IGSF11: variants seen among roughly 807,000 people sequenced by gnomAD.
IGSF11 encodes the protein CXADR like 1.
Under a neutral mutation model 41.0 loss-of-function variants are expected in IGSF11, and 22 were observed. That is an observed-to-expected ratio of 0.54 (90% confidence interval 0.38 to 0.77). IGSF11 has a LOEUF of 0.77. Ranked by LOEUF, IGSF11 falls within the 30% of genes least tolerant of loss-of-function variation. The pLI, the probability that IGSF11 is intolerant of heterozygous loss-of-function variation, is 0.00. For missense variants in IGSF11, 444 were observed against 530.8 expected, an observed-to-expected ratio of 0.84 and a Z score of 1.61; for synonymous variants, 219 against 201.3, an observed-to-expected ratio of 1.09 and a Z score of -0.74.
intron 1 of IGSF11, among the ~76,000 whole-genome samples, chr3:119,005,364 C>T (rs1440160450): frequency 3.3e-5 from 5 of 150,280 alleles, no homozygotes; most frequent in East Asian, 1.9e-4. Flanking sequence ...TGTCTCTGCA[C>T]GTGAGATGGG....
intron 1 of IGSF11, among the ~76,000 whole-genome samples, chr3:119,001,726 G>C (rs2107672311): frequency 6.7e-6 from 1 of 149,348 alleles, no homozygotes; most frequent in South Asian, 2.1e-4. Context: ...GCAGTGTTTG[G>C]TTTTTTGTTC....
At chr3:119,019,206 G>A (rs1398022214) in intron 1 of IGSF11, among the ~76,000 whole-genome samples, 2 of 151,730 alleles carry the variant, frequency 1.3e-5, no homozygotes, top group African/African-American at 4.9e-5. Flanking sequence ...GGCCAGATAA[G>A]GATCCTTGAT....
At chr3:119,087,318 C>T (rs941359529) in intron 1 of IGSF11, among the ~76,000 whole-genome samples, 8 of 151,660 alleles carry the variant, frequency 5.3e-5, no homozygotes, top group African/African-American at 7.3e-5. Flanking sequence ...TGCAAAAATA[C>T]GGAACTAGCC....
intron 1 of IGSF11, among the ~76,000 whole-genome samples, chr3:119,069,315 A>C (rs1240520184): frequency 1.3e-5 from 2 of 152,152 alleles, no homozygotes; most frequent in Non-Finnish European, 2.9e-5. Flanking sequence ...AGACCACAAA[A>C]ACAATGAGTG....
intron 1 of IGSF11, among the ~76,000 whole-genome samples, chr3:118,951,186 T>C (rs1559948818): frequency 6.6e-6 from 1 of 152,240 alleles, no homozygotes; most frequent in East Asian, 1.9e-4. Context: ...ATGGGGCTAA[T>C]GGCTAGCATG....
At chr3:119,048,488 A>C (rs1267847733) in intron 1 of IGSF11, among the ~76,000 whole-genome samples, 1 of 152,228 alleles carries the variant, frequency 6.6e-6, no homozygotes, top group Non-Finnish European at 1.5e-5. Flanking sequence ...CAGGATCTGA[A>C]AGTGTGGCAA....
rs1942267958 is a variant in IGSF11 at position 118,926,137 on chromosome 3, C to T, written c.544G>A (p.Asp182Asn). 1 of 1,611,628 alleles carries T rather than the reference C, an allele frequency of 6.2e-7. No individual in the cohort carries two copies. Among genetic ancestry groups the T allele is most frequent in the African/African-American group, 1.3e-5 (1 of 74,868 alleles). Residue 182 changes from aspartate to asparagine, a missense_variant, in exon 4 of 7, where the codon GAC becomes AAC. Coordinates refer to ENST00000393775, the MANE Select transcript of IGSF11 (RefSeq NM_001015887.3). ...GTTGGAGGTAGTTTGAGGGTATTGT[C>T]TAACTTCTCCCAAAGGTAAGTTGGT... ...PRPTYLWEKL[D>N]NTLKLPPTAT...
At chr3:119,029,668 G>A (rs891476395) in intron 1 of IGSF11, among the ~76,000 whole-genome samples, 1 of 152,224 alleles carries the variant, frequency 6.6e-6, no homozygotes, top group Non-Finnish European at 1.5e-5. Flanking sequence ...GAGTGTGACT[G>A]CTGTGAACAG....
chr3:119,088,254 A>T (rs1407838579), intron 1 of IGSF11, among the ~76,000 whole-genome samples: 1 of 152,182 alleles, frequency 6.6e-6, no homozygotes. Context: ...AAAAAACAGA[A>T]ATCAATATCA....
intron 1 of IGSF11, among the ~76,000 whole-genome samples, chr3:119,143,381 C>T (rs1349316723): frequency 6.6e-6 from 1 of 151,960 alleles, no homozygotes; most frequent in Non-Finnish European, 1.5e-5. Flanking sequence ...ACCATTGAAG[C>T]TAGGATGGTT....
intron 1 of IGSF11, among the ~76,000 whole-genome samples, chr3:119,019,982 G>T (rs1456198623): frequency 6.6e-6 from 1 of 152,130 alleles, no homozygotes; most frequent in East Asian, 1.9e-4. Context: ...CATTATAAAA[G>T]AAGCCCCAGG....
Position 119,057,823 on chromosome 3 carries a change from T to C in IGSF11, c.49+47321A>G, listed in dbSNP as rs367604332. 2.0e-5 allele frequency among the ~76,000 whole-genome samples: 3 copies of C among 152,008 alleles called. No homozygotes were observed. In the South Asian group the frequency reaches 6.2e-4, roughly 32 times the overall value. On this transcript the variant is annotated intron_variant, in intron 1 of 6. Transcript: ENST00000354673. ...GAGCCCTCAGAAATAACGCTGCATA[T>C]CTACAACTATCTGATCTTTGACAAA...
intron 1 of IGSF11, among the ~76,000 whole-genome samples, chr3:118,988,604 G>T (rs1337193188): frequency 6.6e-6 from 1 of 152,196 alleles, no homozygotes; most frequent in Non-Finnish European, 1.5e-5. Context: ...GAGGATGGGG[G>T]AAGTGCATGG....
chr3:119,095,838 C>T (rs2076840721), intron 1 of IGSF11, among the ~76,000 whole-genome samples: 1 of 152,096 alleles, frequency 6.6e-6, no homozygotes, highest in African/African-American at 2.4e-5. Context: ...TACTGCAAAC[C>T]CAACCCTGAG....
intron 1 of IGSF11, among the ~76,000 whole-genome samples, chr3:119,116,922 C>A (rs775973716): frequency 6.6e-6 from 1 of 152,080 alleles, no homozygotes; most frequent in African/African-American, 2.4e-5. Context: ...AAGCTTTGAC[C>A]CCCATGATTT....
chr3:119,106,407 TCCA>T (rs1275751868), upstream of IGSF11, among the ~76,000 whole-genome samples: 9 of 152,262 alleles, frequency 5.9e-5, no homozygotes, highest in South Asian at 1.9e-3. Flanking sequence ...ACCCTCTATC[TCCA>T]CAAGTTCAAT....
At chr3:119,108,177 G>C (rs1329986461), upstream of IGSF11, among the ~76,000 whole-genome samples, 2 of 151,566 alleles carry the variant, frequency 1.3e-5, no homozygotes, top group South Asian at 2.1e-4. Context: ...ATTACCTTGG[G>C]CAGTATGGCC....
chr3:119,125,472 G>T (rs1162188088), intron 1 of IGSF11, among the ~76,000 whole-genome samples: 2 of 152,116 alleles, frequency 1.3e-5, no homozygotes, highest in African/African-American at 4.8e-5. Flanking sequence ...ACGTTACAAA[G>T]TATATTCACA....
intron 1 of IGSF11, among the ~76,000 whole-genome samples, chr3:119,041,569 G>A (rs1427819787): frequency 1.3e-5 from 2 of 152,022 alleles, no homozygotes; most frequent in Non-Finnish European, 2.9e-5. Context: ...TGGGCAACAA[G>A]CAAGACTCCA....
Sources: gnomAD v4.1 joint callset for allele counts (sites outside exome capture counted in the v4.1 genomes callset) on GRCh38, gnomAD v4.1.1 for gene constraint, MANE v1.5 for transcripts, NCBI Gene and HGNC (gene_info 2026-07-23, HGNC 2026-07-21) for gene names.